The following DSCAM variants were observed in gnomAD, a reference collection of about 807,000 sequenced individuals.
DSCAM encodes the protein cell adhesion molecule DSCAM.
DSCAM carries 47 observed loss-of-function variants against 217.7 expected under a neutral mutation model. The ratio of observed to expected loss-of-function variants is 0.22; its 90% CI spans 0.17 to 0.28. The LOEUF (loss-of-function observed/expected upper bound fraction) is 0.28, where lower values mean the gene tolerates loss of function less well. DSCAM is among the 10% of genes least tolerant of loss of function. DSCAM has a pLI of 1.00. For synonymous variants in DSCAM, 1,056 were observed against 1,015.3 expected, an observed-to-expected ratio of 1.04 and a Z score of -0.76; for missense variants, 2,080 against 2,618.3, an observed-to-expected ratio of 0.79 and a Z score of 4.49.
intron 20 of DSCAM, among the ~76,000 whole-genome samples, chr21:40,113,847 A>G (rs1321584372): frequency 1.3e-5 from 2 of 152,134 alleles, no homozygotes; most frequent in Non-Finnish European, 2.9e-5. Flanking sequence ...TAGGAATCCA[A>G]CTTACAAGGG....
chr21:40,391,116 A>G (rs896011628), intron 3 of DSCAM, among the ~76,000 whole-genome samples: 4 of 152,210 alleles, frequency 2.6e-5, no homozygotes, highest in Non-Finnish European at 4.4e-5. Context: ...TGTGCTCCTT[A>G]AACAATCCCT....
At chr21:40,453,362 C>G (rs1365761445) in intron 3 of DSCAM, among the ~76,000 whole-genome samples, 1 of 152,142 alleles carries the variant, frequency 6.6e-6, no homozygotes, top group African/African-American at 2.4e-5. Context: ...GTATGTCACA[C>G]TAGGAAAGGT....
intron 1 of DSCAM, among the ~76,000 whole-genome samples, chr21:40,752,991 G>A (rs764295737): frequency 4.0e-5 from 6 of 150,630 alleles, no homozygotes; most frequent in African/African-American, 1.2e-4. Flanking sequence ...ACCCTGTCAC[G>A]TGGCCTGCAC....
chr21:40,296,110 G>A lies in DSCAM; in HGVS notation c.2127C>T (p.Leu709=), dbSNP rs184415535. ...QDGIYGKAVI[L]NCSAEGYPVP... The stretch of plus-strand genomic sequence containing the variant: ...CAGGGTAACCCTCAGCAGAACAATT[G>A]AGGATGACTGCTTTGCCATAAATCC... The change falls in exon 10 of 33, where the codon CTC becomes CTT. Residue 709 remains leucine, a synonymous_variant. Transcript: ENST00000400454. 78 of 1,614,082 alleles carry A rather than the reference G, an allele frequency of 4.8e-5. No individual in the cohort carries two copies. The African/African-American group carries it at 8.4e-4, about 17-fold the overall frequency.
intron 11 of DSCAM, among the ~76,000 whole-genome samples, chr21:40,204,018 A>C (rs1035280660): frequency 6.6e-5 from 10 of 152,246 alleles, no homozygotes; most frequent in Non-Finnish European, 1.5e-4. Context: ...TATCACGTAG[A>C]ATATTAACAA....
intron 3 of DSCAM, among the ~76,000 whole-genome samples, chr21:40,476,742 G>T (rs985247028): frequency 6.6e-6 from 1 of 152,056 alleles, no homozygotes; most frequent in African/African-American, 2.4e-5. Context: ...GATGGGAAGG[G>T]CTCAAAAATC....
intron 3 of DSCAM, among the ~76,000 whole-genome samples, chr21:40,574,405 A>T (rs952032577): frequency 6.6e-6 from 1 of 152,208 alleles, no homozygotes; most frequent in African/African-American, 2.4e-5. Context: ...TAGAAAAAGC[A>T]TTTGACAACA....
chr21:40,357,831 T>A lies in DSCAM; in HGVS notation c.656-4088A>T, dbSNP rs141410952. Among the ~76,000 whole-genome samples the A allele has an allele frequency of 6.7e-3, 1,007 of 150,144 alleles. 17 individuals are homozygous for A. Among genetic ancestry groups the A allele is most frequent in the African/African-American group, 0.023 (950 of 40,614 alleles). Reference sequence around the variant, plus strand: ...ATATATGTAACGAACCTGCACGTTGTGCACATGTACCCTAAAACTTAAAGT... The same window carrying A: ...ATATATGTAACGAACCTGCACGTTGAGCACATGTACCCTAAAACTTAAAGT... On this transcript the variant is annotated intron_variant, in intron 4 of 32. Transcript: ENST00000400454.
At chr21:40,526,101 A>G (rs973827877) in intron 3 of DSCAM, among the ~76,000 whole-genome samples, 4 of 152,190 alleles carry the variant, frequency 2.6e-5, no homozygotes, top group Admixed American at 2.6e-4. Flanking sequence ...CCTCTGAAAG[A>G]AGTTCCTTAC....
chr21:40,165,478 T>C (rs1181374968), intron 16 of DSCAM, among the ~76,000 whole-genome samples: 4 of 152,200 alleles, frequency 2.6e-5, no homozygotes, highest in Non-Finnish European at 5.9e-5. Flanking sequence ...GAACAATGTA[T>C]TCAGTCGATT....
At chr21:40,706,180 CAAAAAAAAAAA>C (rs560131166) in intron 2 of DSCAM, among the ~76,000 whole-genome samples, 5 of 99,484 alleles carry the variant, frequency 5.0e-5, no homozygotes, top group Non-Finnish European at 1.1e-4. Flanking sequence ...ACTCCAGTCT[CAAAAAAAAAAA>C]AAAAAGAAAG....
At chr21:40,282,795 A>G (rs1240121800) in intron 10 of DSCAM, among the ~76,000 whole-genome samples, 1 of 152,112 alleles carries the variant, frequency 6.6e-6, no homozygotes, top group African/African-American at 2.4e-5. Context: ...TGAAACATTT[A>G]TATTAAAGAA....
chr21:40,637,689 T>A (rs1332589207), intron 3 of DSCAM, among the ~76,000 whole-genome samples: 1 of 134,978 alleles, frequency 7.4e-6, no homozygotes, highest in Non-Finnish European at 1.5e-5. Context: ...TTTTCTGTTT[T>A]GGAGACAGAG....
intron 3 of DSCAM, among the ~76,000 whole-genome samples, chr21:40,535,811 C>T (rs564728917): frequency 1.3e-5 from 2 of 152,310 alleles, no homozygotes; most frequent in South Asian, 4.1e-4. Context: ...AGGTGACCAA[C>T]TGGTTCAAAG....
chr21:40,716,361 G>A (rs1354577139), intron 1 of DSCAM, among the ~76,000 whole-genome samples: 2 of 151,908 alleles, frequency 1.3e-5, no homozygotes, highest in African/African-American at 4.8e-5. Context: ...TAAGGGCAGA[G>A]GCAACCTTAA....
intron 8 of DSCAM, among the ~76,000 whole-genome samples, chr21:40,315,529 G>A (rs1315094627): frequency 6.6e-6 from 1 of 152,140 alleles, no homozygotes; most frequent in Non-Finnish European, 1.5e-5. Context: ...TTCAAGAACA[G>A]AAGTAAGAGG....
At chr21:40,332,729 GGA>G (rs1366466895) in intron 8 of DSCAM, among the ~76,000 whole-genome samples, 1 of 152,024 alleles carries the variant, frequency 6.6e-6, no homozygotes, top group Admixed American at 6.6e-5. Flanking sequence ...TTGCACTTCT[GGA>G]TAGTTACATA....
chr21:40,508,767 ATATATATATATATATATTTT>A (rs1240885938), intron 3 of DSCAM, among the ~76,000 whole-genome samples: 4 of 3,626 alleles, frequency 1.1e-3, no homozygotes, highest in African/African-American at 4.0e-3. Context: ...ATATATATAT[ATATATATATATATATATTTT>A]TTTTTTTTTT....
At chr21:40,659,387 A>G (rs939696235) in intron 3 of DSCAM, among the ~76,000 whole-genome samples, 5 of 130,282 alleles carry the variant, frequency 3.8e-5, no homozygotes, top group African/African-American at 9.4e-5. Context: ...CTATCTATCT[A>G]TCTATCATCT....
Sources: gnomAD v4.1 joint callset for allele counts (sites outside exome capture counted in the v4.1 genomes callset) on GRCh38, gnomAD v4.1.1 for gene constraint, MANE v1.5 for transcripts, NCBI Gene and HGNC (gene_info 2026-07-23, HGNC 2026-07-21) for gene names.